Variants in UBE2E2 observed in about 807,000 individuals in gnomAD.
UBE2E2 encodes ubiquitin-conjugating enzyme E2 E2.
UBE2E2 carries 6 observed loss-of-function variants against 24.7 expected under a neutral mutation model. The ratio of observed to expected loss-of-function variants is 0.24; its 90% CI spans 0.13 to 0.48. The LOEUF (loss-of-function observed/expected upper bound fraction) is 0.48. Among genes scored for constraint, UBE2E2 ranks in the 20% least tolerant of loss-of-function variants. The probability of loss-of-function intolerance (pLI) is 0.99; values close to 1 mark genes in which losing one functional copy is unlikely to be tolerated. For synonymous variants in UBE2E2, 104 were observed against 83.6 expected (o/e 1.24, Z -1.33); for missense variants, 169 against 245.0 (o/e 0.69, Z 2.07).
chr3:23,384,457 C>T (rs1025729869), intron 3 of UBE2E2, among the ~76,000 whole-genome samples: 22 of 152,246 alleles, frequency 1.4e-4, no homozygotes, highest in African/African-American at 5.3e-4. Context: ...AGCCACTGCG[C>T]CTGACCTTGA....
intron 4 of UBE2E2, among the ~76,000 whole-genome samples, chr3:23,522,786 T>A (rs1694899481): frequency 6.6e-6 from 1 of 152,226 alleles, no homozygotes; most frequent in Admixed American, 6.5e-5. Context: ...CCTTATGTTT[T>A]GGCATATATG....
rs2125525251 is a variant in UBE2E2 at position 23,590,985 on chromosome 3, T to C, written c.*1154T>C. 2 of 152,410 alleles carry C rather than the reference T, an allele frequency of 1.3e-5. No homozygotes were observed. Among genetic ancestry groups the C allele is most frequent in the Middle Eastern group, 6.8e-3 (2 of 294 alleles). The allele number at this position is 152,410 out of a possible 1,614,324, so 9.4% of individuals were successfully genotyped here. On this transcript the variant is annotated 3_prime_UTR_variant, in exon 6 of 6. Transcript: ENST00000396703. ...GTATTGTTCATTTTTGTTGTTGTTG[T>C]TGTTGTTGTTGCTGCTCTTTTTTCT...
At chr3:23,546,293 C>T (rs1559417496) in intron 5 of UBE2E2, among the ~76,000 whole-genome samples, 1 of 151,822 alleles carries the variant, frequency 6.6e-6, no homozygotes, top group Non-Finnish European at 1.5e-5. Context: ...TACCAGTGAC[C>T]TATTTTTGTT....
intron 3 of UBE2E2, among the ~76,000 whole-genome samples, chr3:23,430,831 A>T (rs1226442666): frequency 6.6e-6 from 1 of 152,114 alleles, no homozygotes; most frequent in African/African-American, 2.4e-5. Flanking sequence ...TGTTTACTTC[A>T]TTTTTTAGGC....
rs1191173880 is a variant in UBE2E2 at position 23,407,215 on chromosome 3, A to C, written c.228-92393A>C. 6.6e-6 allele frequency among the ~76,000 whole-genome samples: 1 copy of C among 151,918 alleles called. No homozygotes were observed. The highest frequency in any genetic ancestry group is 6.6e-5 in the Admixed American group (1 of 15,230). ...AAAAAAAAGGTCTTGACCACTGTGC[A>C]GGTGAGCATCAAGCTTTACACATTT... On this transcript the variant is annotated intron_variant, in intron 3 of 5. Coordinates refer to ENST00000396703, the MANE Select transcript of UBE2E2 (RefSeq NM_152653.4). The surrounding 1 kb of genome is among the most constrained non-coding windows in gnomAD (Gnocchi z 4.0).
intron 3 of UBE2E2, among the ~76,000 whole-genome samples, chr3:23,353,950 C>T (rs577025349): frequency 5.4e-4 from 82 of 152,230 alleles, no homozygotes; most frequent in Admixed American, 1.8e-3. Flanking sequence ...GCCAAAAGAA[C>T]AAAGCTGGAG....
rs548918928 is a variant in UBE2E2, at chr3:23,343,100, G to A, written c.227+125788G>A. On this transcript the variant is annotated intron_variant, in intron 3 of 5. Coordinates refer to ENST00000396703, the MANE Select transcript of UBE2E2 (RefSeq NM_152653.4). The stretch of plus-strand genomic sequence containing the variant: ...ATGTTAAAACCTTACATATTAGTAT[G>A]TATATATATATGTGAATGCATACAT... 1.7e-4 allele frequency among the ~76,000 whole-genome samples: 25 copies of A among 150,808 alleles called. 1 individual carries two copies. The South Asian group carries it at 3.1e-3, about 19-fold the overall frequency.
At chr3:23,557,846 A>C (rs1237531813) in intron 5 of UBE2E2, among the ~76,000 whole-genome samples, 4 of 152,154 alleles carry the variant, frequency 2.6e-5, no homozygotes, top group Admixed American at 2.0e-4. Flanking sequence ...CTGTATTTTA[A>C]TATCCTCTTG....
rs565441727 is a variant in UBE2E2 at position 23,220,333 on chromosome 3, GAT to G, written c.227+3023_227+3024del. Among the ~76,000 whole-genome samples, 3 of 152,186 alleles carry G rather than the reference GAT, an allele frequency of 2.0e-5. No individual in the cohort carries two copies. The East Asian group carries it at 5.8e-4, about 29-fold the overall frequency. On this transcript the variant is annotated intron_variant, in intron 3 of 5. Transcript: ENST00000396703. ...TGTCTTTGAAGTAAAAATGCAGTAA[GAT>G]AGTTTTATTTTTGAAGTTGGGTTAA... is the stretch of plus-strand genomic sequence containing the variant.
In UBE2E2 at chr3:23,407,647, ATGTGTG is replaced by A. The variant is rs71974866; in HGVS notation, c.228-91923_228-91918del. 0.19 allele frequency among the ~76,000 whole-genome samples: 26,363 copies of A among 137,888 alleles called. 2,626 individuals carry two copies. Among genetic ancestry groups the A allele is most frequent in the African/African-American group, 0.27 (9,908 of 37,324 alleles). The allele number at this position is 137,888 out of a possible 152,430, so 90.5% of individuals were successfully genotyped here. On this transcript the variant is annotated intron_variant, in intron 3 of 5. Transcript: ENST00000396703. The surrounding 1 kb of genome is among the most constrained non-coding windows in gnomAD (Gnocchi z 4.0). ...TGTGTGTTTGTGTGTGCATGCGTGC[ATGTGTG>A]TGTGTGTGTGTGTGTGTGTGTGTGT...
At chr3:23,566,990 GA>G (rs1223309092) in intron 5 of UBE2E2, among the ~76,000 whole-genome samples, 2 of 152,212 alleles carry the variant, frequency 1.3e-5, no homozygotes, top group Non-Finnish European at 2.9e-5. Flanking sequence ...CCAAGCTCAA[GA>G]AAGTGAACTT....
At chr3:23,483,596 T>C (rs1403643291) in intron 3 of UBE2E2, among the ~76,000 whole-genome samples, 2 of 152,246 alleles carry the variant, frequency 1.3e-5, no homozygotes, top group African/African-American at 4.8e-5. Context: ...TTTCCACTAG[T>C]GCCTATCAAA....
intron 3 of UBE2E2, among the ~76,000 whole-genome samples, chr3:23,452,688 A>G (rs1227666322): frequency 1.3e-5 from 2 of 152,184 alleles, no homozygotes; most frequent in African/African-American, 2.4e-5. Flanking sequence ...AAAGATGAGA[A>G]CAACTTTATC....
At chr3:23,396,367 AAAT>A (rs748806005) in intron 3 of UBE2E2, among the ~76,000 whole-genome samples, 3 of 147,962 alleles carry the variant, frequency 2.0e-5, no homozygotes, top group Non-Finnish European at 4.5e-5. Context: ...TATCTATATA[AAAT>A]AAAAAATTAT....
intron 3 of UBE2E2, among the ~76,000 whole-genome samples, chr3:23,366,765 A>C (rs1436028050): frequency 6.6e-6 from 1 of 152,154 alleles, no homozygotes; most frequent in Non-Finnish European, 1.5e-5. Context: ...CTGAACCTAA[A>C]AGTTAAAAAA....
chr3:23,590,771 A>T lies in UBE2E2; in HGVS notation c.*940A>T, dbSNP rs1258753060. On this transcript the variant is annotated 3_prime_UTR_variant, in exon 6 of 6. Transcript: ENST00000396703. Reference sequence around the variant, plus strand: ...GTAGCCTGATGATTTTATGGTTGTTATAGTAAATTGCTATCATTTTACATA... The same window carrying T: ...GTAGCCTGATGATTTTATGGTTGTTTTAGTAAATTGCTATCATTTTACATA... 4 of 152,236 alleles carry T rather than the reference A, an allele frequency of 2.6e-5. No homozygotes were observed. Among genetic ancestry groups the T allele is most frequent in the Non-Finnish European group, 5.9e-5 (4 of 68,042 alleles). The allele number at this position is 152,236 out of a possible 1,614,324, so 9.4% of individuals were successfully genotyped here.
chr3:23,485,764 T>C (rs1393817962), intron 3 of UBE2E2, among the ~76,000 whole-genome samples: 1 of 152,178 alleles, frequency 6.6e-6, no homozygotes, highest in Non-Finnish European at 1.5e-5. Context: ...TGCATTTCTT[T>C]CATGATCTCA....
intron 4 of UBE2E2, among the ~76,000 whole-genome samples, chr3:23,517,586 C>T (rs1694770658): frequency 6.6e-6 from 1 of 151,996 alleles, no homozygotes. Flanking sequence ...ATCCTCTTTC[C>T]TAGAGGGGAT....
At chr3:23,321,000 A>G (rs1408406648) in intron 3 of UBE2E2, among the ~76,000 whole-genome samples, 1 of 152,210 alleles carries the variant, frequency 6.6e-6, no homozygotes, top group African/African-American at 2.4e-5. Context: ...TCCTTCAGAA[A>G]CCTTTAGGGA....
Sources: allele counts gnomAD v4.1 joint callset (sites outside exome capture counted in the v4.1 genomes callset), GRCh38; gene constraint gnomAD v4.1.1; non-coding constraint Gnocchi (gnomAD v3.1); transcripts MANE v1.5; gene names NCBI Gene and HGNC (gene_info 2026-07-23, HGNC 2026-07-21).